The following CAMKMT variants were observed in gnomAD, a reference collection of about 807,000 sequenced individuals.
The protein encoded by CAMKMT is calmodulin-lysine N-methyltransferase, also known as CaM KMT.
CAMKMT carries 53 observed loss-of-function variants against 48.0 expected under a neutral mutation model. The observed-to-expected ratio is 1.10, with a 90% confidence interval of 0.89 to 1.39. The LOEUF is 1.39. CAMKMT is among the 40% of genes most tolerant of loss of function. The pLI is 0.00. For missense variants in CAMKMT, 428 were observed against 402.7 expected, an observed-to-expected ratio of 1.06 and a Z score of -0.54; for synonymous variants, 165 against 152.3, an observed-to-expected ratio of 1.08 and a Z score of -0.61.
chr2:44,675,729 A>G lies in CAMKMT; in HGVS notation c.377-28554A>G, dbSNP rs137872693. Among the ~76,000 whole-genome samples the G allele has an allele frequency of 6.6e-4, 100 of 152,326 alleles. 1 individual carries two copies. Among genetic ancestry groups the G allele is most frequent in the African/African-American group, 2.1e-3 (89 of 41,568 alleles). On this transcript the variant is annotated intron_variant, in intron 3 of 10. Coordinates refer to ENST00000378494, the MANE Select transcript of CAMKMT (RefSeq NM_024766.5). ...AGTGTACAGTTCAGTGGTATTAATT[A>G]TATTCACATCATTGTGCAAACATTA... is the stretch of plus-strand genomic sequence containing the variant.
At chr2:44,736,918 T>C (rs968167970) in intron 7 of CAMKMT, among the ~76,000 whole-genome samples, 1 of 152,212 alleles carries the variant, frequency 6.6e-6, no homozygotes, top group Non-Finnish European at 1.5e-5. Flanking sequence ...TTATGATAAC[T>C]ATTGTAATGC....
chr2:44,489,182 A>C (rs1669361752), intron 3 of CAMKMT, among the ~76,000 whole-genome samples: 1 of 150,330 alleles, frequency 6.7e-6, no homozygotes, highest in Non-Finnish European at 1.5e-5. Flanking sequence ...TTAATTTTTG[A>C]CGTTTTTAAA....
At chr2:44,486,426 T>C (rs569196773) in intron 3 of CAMKMT, among the ~76,000 whole-genome samples, 2 of 152,324 alleles carry the variant, frequency 1.3e-5, no homozygotes, top group South Asian at 4.1e-4. Flanking sequence ...GCTTTTCCAA[T>C]ACAGAGCAGA....
In CAMKMT at chr2:44,394,829, T is replaced by C. The variant is rs1681679271; in HGVS notation, c.376+4524T>C. Reference sequence around the variant, plus strand: ...GTGATGTATCTAAAACTGATCTCTTTTGGGGTGGTAATCAGTTATTATTGA... The same window carrying C: ...GTGATGTATCTAAAACTGATCTCTTCTGGGGTGGTAATCAGTTATTATTGA... On this transcript the variant is annotated intron_variant, in intron 3 of 10. Coordinates refer to ENST00000378494, the MANE Select transcript of CAMKMT (RefSeq NM_024766.5). 2.6e-5 allele frequency: 12 copies of C among 453,890 alleles called. No homozygotes were observed. In the Admixed American group the frequency reaches 2.8e-4, roughly 11 times the overall value. 28.1% of individuals were successfully genotyped at this position (453,890 alleles called of 1,614,324 possible). A position where few individuals can be genotyped will look rare whatever the true frequency, so the allele number is the denominator to read the frequency against.
intron 3 of CAMKMT, among the ~76,000 whole-genome samples, chr2:44,480,521 A>G (rs185653020): frequency 6.6e-6 from 1 of 152,296 alleles, no homozygotes; most frequent in African/African-American, 2.4e-5. Context: ...CTATTCAGAA[A>G]TTCAGCAACC....
At chr2:44,600,720 T>C (rs912378835) in intron 3 of CAMKMT, among the ~76,000 whole-genome samples, 22 of 152,136 alleles carry the variant, frequency 1.4e-4, no homozygotes, top group African/African-American at 5.3e-4. Context: ...CCTAGGTTGT[T>C]AGATGAAATT....
At chr2:44,669,167 G>A (rs574919553) in intron 3 of CAMKMT, among the ~76,000 whole-genome samples, 2 of 152,180 alleles carry the variant, frequency 1.3e-5, no homozygotes, top group East Asian at 1.9e-4. Flanking sequence ...TGTTTTGCAT[G>A]TTTTGGACTT....
intron 3 of CAMKMT, among the ~76,000 whole-genome samples, chr2:44,601,039 T>G (rs980229154): frequency 2.6e-5 from 4 of 152,144 alleles, no homozygotes; most frequent in African/African-American, 9.7e-5. Context: ...ATCTCCAAAT[T>G]AAGTATAACA....
chr2:44,401,237 G>T (rs1292188967), intron 3 of CAMKMT: 1 of 152,034 alleles, frequency 6.6e-6, no homozygotes, highest in Non-Finnish European at 1.5e-5. Context: ...AACTATATCT[G>T]ACTTCTCACC....
intron 3 of CAMKMT, among the ~76,000 whole-genome samples, chr2:44,486,505 G>A (rs895965762): frequency 2.0e-5 from 3 of 152,198 alleles, no homozygotes; most frequent in African/African-American, 4.8e-5. Flanking sequence ...GGTGGTTCAC[G>A]AGATAAATAT....
At chr2:44,493,634 G>A (rs1669619849) in intron 3 of CAMKMT, among the ~76,000 whole-genome samples, 1 of 152,124 alleles carries the variant, frequency 6.6e-6, no homozygotes, top group African/African-American at 2.4e-5. Context: ...TTTGCCTGTT[G>A]CCATTGACTT....
intron 7 of CAMKMT, among the ~76,000 whole-genome samples, chr2:44,726,092 G>T (rs1678769713): frequency 6.6e-6 from 1 of 152,140 alleles, no homozygotes; most frequent in African/African-American, 2.4e-5. Context: ...CGTGGTATTT[G>T]GTTTCCTGTG....
At chr2:44,670,777 G>T (rs1675282015) in intron 3 of CAMKMT, among the ~76,000 whole-genome samples, 1 of 152,278 alleles carries the variant, frequency 6.6e-6, no homozygotes, top group African/African-American at 2.4e-5. Context: ...TTTCTAGAAA[G>T]TCCCTAGGTT....
chr2:44,667,329 G>T (rs1675051365), intron 3 of CAMKMT, among the ~76,000 whole-genome samples: 1 of 152,078 alleles, frequency 6.6e-6, no homozygotes, highest in South Asian at 2.1e-4. Flanking sequence ...TCCCCATCCG[G>T]CTCTCCCCTG....
chr2:44,721,542 C>T (rs1678459823), intron 7 of CAMKMT, among the ~76,000 whole-genome samples: 1 of 152,110 alleles, frequency 6.6e-6, no homozygotes, highest in Non-Finnish European at 1.5e-5. Flanking sequence ...AAAATTACAA[C>T]TTTATTGAGA....
rs141352412 is a variant in CAMKMT at position 44,435,238 on chromosome 2, G to A, written c.376+44933G>A. Among the ~76,000 whole-genome samples the A allele has an allele frequency of 4.0e-3, 603 of 152,178 alleles. 2 individuals carry two copies. The highest frequency in any genetic ancestry group is 9.5e-3 in the African/African-American group (395 of 41,536). ...TAAATTAGGTATTCTCAGGCTTAAT[G>A]TACTTCATTTTTATAAAACAAATAC... is the stretch of plus-strand genomic sequence containing the variant. On this transcript the variant is annotated intron_variant, in intron 3 of 10. Transcript: ENST00000378494.
rs79824480 is a variant in CAMKMT at position 44,403,393 on chromosome 2, G to A, written c.376+13088G>A. 1.4e-3 allele frequency among the ~76,000 whole-genome samples: 209 copies of A among 152,264 alleles called. 3 individuals carry two copies. Among genetic ancestry groups the A allele is most frequent in the African/African-American group, 4.7e-3 (196 of 41,554 alleles). On this transcript the variant is annotated intron_variant, in intron 3 of 10. Transcript: ENST00000378494. ...GACTAGACCCGAAGACATCTGACAG[G>A]ATGGAGCAAGGGTAGTTGCACAAAT...
intron 1 of CAMKMT, among the ~76,000 whole-genome samples, chr2:44,364,348 C>A (rs1678368617): frequency 6.6e-6 from 1 of 152,158 alleles, no homozygotes; most frequent in Non-Finnish European, 1.5e-5. Context: ...TCATTCTTCA[C>A]ACTTCCATTT....
At chr2:44,743,802 C>A in intron 8 of CAMKMT, 106 bp downstream of exon 8, 1 of 749,680 alleles carries the variant, frequency 1.3e-6, no homozygotes, top group Non-Finnish European at 2.3e-6. Context: ...ACAAATGAAG[C>A]ACAAAGCCAC....
Sources: allele counts gnomAD v4.1 joint callset (sites outside exome capture counted in the v4.1 genomes callset), GRCh38; gene constraint gnomAD v4.1.1; transcripts MANE v1.5; gene names NCBI Gene and HGNC (gene_info 2026-07-23, HGNC 2026-07-21).